RPH3A: variants seen among roughly 807,000 people sequenced by gnomAD.
The protein encoded by RPH3A is rabphilin-3A.
In RPH3A, 48 loss-of-function variants were observed where a neutral mutation model predicts 102.2. That is an observed-to-expected ratio of 0.47 (90% CI 0.37 to 0.60). The LOEUF (loss-of-function observed/expected upper bound fraction) is 0.60. RPH3A is among the 20% of genes least tolerant of loss of function. The probability of loss-of-function intolerance (pLI) is 0.00; values close to 1 mark genes in which losing one functional copy is unlikely to be tolerated. For synonymous variants in RPH3A, 310 were observed against 324.3 expected, an observed-to-expected ratio of 0.96 and a Z score of 0.47; for missense variants, 781 against 910.1, an observed-to-expected ratio of 0.86 and a Z score of 1.83.
At chr12:112,627,250 A>G (rs2039773617) in intron 1 of RPH3A, among the ~76,000 whole-genome samples, 1 of 151,462 alleles carries the variant, frequency 6.6e-6, no homozygotes, top group African/African-American at 2.4e-5. Context: ...TGCACTATAC[A>G]TTTATATTAT....
At chr12:112,884,380 C>A (rs1192552953) in intron 16 of RPH3A, among the ~76,000 whole-genome samples, 1 of 152,158 alleles carries the variant, frequency 6.6e-6, no homozygotes, top group Non-Finnish European at 1.5e-5. Context: ...GAGCTAGACA[C>A]CATCCTGAAT....
intron 1 of RPH3A, among the ~76,000 whole-genome samples, chr12:112,691,263 C>T (rs2040305130): frequency 6.6e-6 from 1 of 152,258 alleles, no homozygotes; most frequent in South Asian, 2.1e-4. Flanking sequence ...CCGCCCGCCT[C>T]GGCCTCCCAA....
chr12:112,594,853 C>T (rs775959514), intron 1 of RPH3A, among the ~76,000 whole-genome samples: 12 of 152,298 alleles, frequency 7.9e-5, no homozygotes, highest in Middle Eastern at 3.4e-3. Flanking sequence ...CACCAATGTT[C>T]ATTGAGCACT....
chr12:112,856,226 C>A (rs1024534344), intron 5 of RPH3A, among the ~76,000 whole-genome samples: 1 of 152,228 alleles, frequency 6.6e-6, no homozygotes, highest in African/African-American at 2.4e-5. Context: ...ATCCATTAAC[C>A]TTTTCCTCGA....
At chr12:112,587,308 C>A (rs537968555) in intron 1 of RPH3A, among the ~76,000 whole-genome samples, 6 of 152,290 alleles carry the variant, frequency 3.9e-5, no homozygotes, top group Admixed American at 3.3e-4. Context: ...ATAGCTAGTG[C>A]AGTGTGCAAA....
At chr12:112,737,367 T>G (rs933786958) in intron 1 of RPH3A, among the ~76,000 whole-genome samples, 1 of 152,124 alleles carries the variant, frequency 6.6e-6, no homozygotes, top group African/African-American at 2.4e-5. Flanking sequence ...AATATGTACC[T>G]TATAGGGTTA....
intron 1 of RPH3A, among the ~76,000 whole-genome samples, chr12:112,633,356 A>G (rs1049985297): frequency 3.3e-5 from 5 of 152,226 alleles, no homozygotes; most frequent in African/African-American, 1.2e-4. Context: ...CTTAATCCCC[A>G]GTGTGGCAGT....
chr12:112,774,953 C>G (rs1445280091), intron 1 of RPH3A, among the ~76,000 whole-genome samples: 3 of 151,736 alleles, frequency 2.0e-5, no homozygotes, highest in African/African-American at 7.3e-5. Flanking sequence ...CACATGTACC[C>G]CAGAACTTAA....
In RPH3A at chr12:112,896,935, G is replaced by T. The variant is rs536419235; in HGVS notation, c.*155G>T. 1.7e-4 allele frequency: 119 copies of T among 720,276 alleles called. 3 individuals carry two copies. In the East Asian group the frequency reaches 3.2e-3, roughly 20 times the overall value. 44.6% of individuals were successfully genotyped at this position (720,276 alleles called of 1,614,324 possible). ...TTGAGCCCCCGTCACGTTGGGCACTGCTGCCAAAGACTCCCTCCTCCCTGA... is the reference window on the plus strand; with the variant it reads ...TTGAGCCCCCGTCACGTTGGGCACTTCTGCCAAAGACTCCCTCCTCCCTGA... On this transcript the variant is annotated 3_prime_UTR_variant, in exon 22 of 22. Coordinates refer to ENST00000389385, the MANE Select transcript of RPH3A (RefSeq NM_001143854.2).
chr12:112,584,278 C>T (rs369461076), intron 1 of RPH3A, among the ~76,000 whole-genome samples: 7 of 152,160 alleles, frequency 4.6e-5, no homozygotes, highest in Admixed American at 3.3e-4. Context: ...AATATCTGGA[C>T]ACCACAGGGA....
intron 1 of RPH3A, among the ~76,000 whole-genome samples, chr12:112,634,989 G>A (rs1262966361): frequency 6.6e-6 from 1 of 151,978 alleles, no homozygotes; most frequent in African/African-American, 2.4e-5. Context: ...TCCATTTATG[G>A]TAGTGATATG....
chr12:112,867,821 A>G (rs2042637749), intron 7 of RPH3A, among the ~76,000 whole-genome samples: 1 of 152,244 alleles, frequency 6.6e-6, no homozygotes, highest in Non-Finnish European at 1.5e-5. Context: ...GCTTTGTTGT[A>G]ATCCCTGGTG....
At chr12:112,803,450 G>C (rs2041395206) in intron 2 of RPH3A, among the ~76,000 whole-genome samples, 1 of 151,856 alleles carries the variant, frequency 6.6e-6, no homozygotes. Context: ...TTACATGACT[G>C]ACCTCCTTCA....
At chr12:112,788,021 T>C (rs1460271093), upstream of RPH3A, among the ~76,000 whole-genome samples, 1 of 152,156 alleles carries the variant, frequency 6.6e-6, no homozygotes, top group East Asian at 1.9e-4. Flanking sequence ...CCTTGAGAAG[T>C]CTGGGTTTTG....
At chr12:112,744,544 G>A (rs764669335) in intron 1 of RPH3A, among the ~76,000 whole-genome samples, 53 of 152,132 alleles carry the variant, frequency 3.5e-4, no homozygotes, top group Non-Finnish European at 6.3e-4. Context: ...GCAGCTCTGG[G>A]ACTTTTAGAT....
intron 1 of RPH3A, among the ~76,000 whole-genome samples, chr12:112,675,969 G>A (rs1167212273): frequency 1.3e-5 from 2 of 152,198 alleles, no homozygotes; most frequent in Non-Finnish European, 2.9e-5. Flanking sequence ...GACAGAGAAA[G>A]GAAGGTAGAG....
rs548377186 is a variant in RPH3A, at chr12:112,776,873, C to CAAAAAAA, written c.-139-15238_-139-15232dup. On this transcript the variant is annotated intron_variant, in intron 1 of 21. Coordinates refer to the RPH3A transcript ENST00000543106. ...TGGGCGACAGAGTGAGACTCCATCT[C>CAAAAAAA]AAAAAAAAAAAAAAAAAAAAAAAAA... Among the ~76,000 whole-genome samples, 103 of 73,912 alleles carry CAAAAAAA rather than the reference C, an allele frequency of 1.4e-3. 1 individual carries two copies. The highest frequency in any genetic ancestry group is 8.3e-3 in the Middle Eastern group (1 of 120). The allele number at this position is 73,912 out of a possible 152,430, so 48.5% of individuals were successfully genotyped here.
At chr12:112,589,579 C>T (rs978272602) in intron 1 of RPH3A, among the ~76,000 whole-genome samples, 1 of 152,208 alleles carries the variant, frequency 6.6e-6, no homozygotes, top group African/African-American at 2.4e-5. Context: ...CCCTGACCAA[C>T]CTGTTTAACA....
At chr12:112,651,286 C>T (rs1013070928) in intron 1 of RPH3A, among the ~76,000 whole-genome samples, 21 of 151,904 alleles carry the variant, frequency 1.4e-4, no homozygotes, top group African/African-American at 5.1e-4. Context: ...TGGCTTGAAC[C>T]CTGGTGGAGG....
Sources: gnomAD v4.1 joint callset for allele counts (sites outside exome capture counted in the v4.1 genomes callset) on GRCh38, gnomAD v4.1.1 for gene constraint, MANE v1.5 for transcripts, NCBI Gene and HGNC (gene_info 2026-07-23, HGNC 2026-07-21) for gene names.